Variants in CNPY1 observed in about 807,000 individuals in gnomAD.
CNPY1 encodes the protein protein canopy homolog 1.
CNPY1 carries 14 observed loss-of-function variants against 14.4 expected under a neutral mutation model. The observed-to-expected ratio is 0.97, with a 90% CI of 0.64 to 1.52. The LOEUF is 1.52. Among genes scored for constraint, CNPY1 ranks in the 40% most tolerant of loss-of-function variants. The pLI is 0.00. For missense variants in CNPY1, 129 were observed against 131.5 expected (o/e 0.98, Z 0.09); for synonymous variants, 43 against 46.5 (o/e 0.92, Z 0.31).
chr7:155,535,090 C>T (rs548317845), intron 2 of CNPY1, among the ~76,000 whole-genome samples: 1 of 152,310 alleles, frequency 6.6e-6, no homozygotes, highest in Non-Finnish European at 1.5e-5. Context: ...TTGCAAAGGG[C>T]ACGGAGAAGG....
At chr7:155,519,093 G>A (rs1485368806) in intron 2 of CNPY1, among the ~76,000 whole-genome samples, 1 of 152,186 alleles carries the variant, frequency 6.6e-6, no homozygotes, top group East Asian at 1.9e-4. Context: ...GTAGAGAGAG[G>A]GCAGGTCATC....
intron 4 of CNPY1, among the ~76,000 whole-genome samples, chr7:155,504,516 T>C (rs982895933): frequency 6.6e-6 from 1 of 152,212 alleles, no homozygotes; most frequent in Non-Finnish European, 1.5e-5. Context: ...AAGGTGTATG[T>C]AAAGTGTAGA....
rs551509378 is a variant in CNPY1 at position 155,507,545 on chromosome 7, T to G, written c.304-429A>C. Among the ~76,000 whole-genome samples, 27 of 149,306 alleles carry G rather than the reference T, an allele frequency of 1.8e-4. No homozygotes were observed. In the South Asian group the frequency reaches 4.0e-3, roughly 22 times the overall value. On this transcript the variant is annotated intron_variant, in intron 3 of 4. Transcript: ENST00000636446. Reference sequence around the variant, plus strand: ...ATGATTAAACCAGTTTCCTTGTGATTTAACATAATAATCCATTTTGTGGCT... The same window carrying G: ...ATGATTAAACCAGTTTCCTTGTGATGTAACATAATAATCCATTTTGTGGCT...
chr7:155,519,659 T>C (rs1796682629), intron 2 of CNPY1, among the ~76,000 whole-genome samples: 1 of 152,186 alleles, frequency 6.6e-6, no homozygotes, highest in Non-Finnish European at 1.5e-5. Flanking sequence ...TATTAATAAG[T>C]TAATATTGTT....
chr7:155,509,465 CAGAGAGAGGAG>C (rs891957746), intron 2 of CNPY1, among the ~76,000 whole-genome samples: 2 of 151,554 alleles, frequency 1.3e-5, no homozygotes, highest in African/African-American at 4.9e-5. Flanking sequence ...ACTTGTCAGA[CAGAGAGAGGAG>C]AGAGAGAGGA....
intron 2 of CNPY1, among the ~76,000 whole-genome samples, chr7:155,535,040 G>A (rs1043759421): frequency 5.3e-5 from 8 of 152,178 alleles, no homozygotes; most frequent in African/African-American, 1.9e-4. Flanking sequence ...GTGAGAGCAG[G>A]GCTGTGTTCA....
At chr7:155,535,786 G>A (rs1797016751) in intron 2 of CNPY1, among the ~76,000 whole-genome samples, 1 of 152,188 alleles carries the variant, frequency 6.6e-6, no homozygotes, top group Non-Finnish European at 1.5e-5. Flanking sequence ...TCAGGGTCGT[G>A]TCATTGGATG....
chr7:155,513,275 A>C (rs1014611036), intron 2 of CNPY1, among the ~76,000 whole-genome samples: 1 of 152,246 alleles, frequency 6.6e-6, no homozygotes, highest in Admixed American at 6.5e-5. Flanking sequence ...AAAAAAATGA[A>C]TTGCATCTGG....
chr7:155,538,765 C>T (rs1046103898), intron 2 of CNPY1, among the ~76,000 whole-genome samples: 4 of 152,202 alleles, frequency 2.6e-5, no homozygotes, highest in Admixed American at 1.3e-4. Context: ...CTCTGAGCAC[C>T]GCCATGGGCT....
At chr7:155,506,516 C>G (rs757280297) in intron 4 of CNPY1, 2 of 155,202 alleles carry the variant, frequency 1.3e-5, no homozygotes, top group Non-Finnish European at 2.8e-5. Context: ...GAAGTAGATA[C>G]AGGAATGGAA....
At chr7:155,538,646 C>G (rs772210591) in intron 2 of CNPY1, among the ~76,000 whole-genome samples, 1 of 152,220 alleles carries the variant, frequency 6.6e-6, no homozygotes, top group Non-Finnish European at 1.5e-5. Flanking sequence ...AGAGGCCCTC[C>G]TGACCCATGA....
intron 2 of CNPY1, among the ~76,000 whole-genome samples, chr7:155,516,892 C>T (rs867462124): frequency 5.3e-5 from 8 of 152,310 alleles, no homozygotes; most frequent in Non-Finnish European, 8.8e-5. Context: ...GCTGAGCTGT[C>T]GTGGGCGTTG....
intron 2 of CNPY1, among the ~76,000 whole-genome samples, chr7:155,517,655 C>A (rs917217107): frequency 2.6e-5 from 4 of 152,186 alleles, no homozygotes; most frequent in African/African-American, 9.7e-5. Flanking sequence ...GGTTCATCAT[C>A]TGAATTTCTC....
chr7:155,530,625 C>T (rs763077511), intron 2 of CNPY1, among the ~76,000 whole-genome samples: 8 of 152,224 alleles, frequency 5.3e-5, no homozygotes, highest in East Asian at 3.8e-4. Context: ...CCACTGCCAA[C>T]GGCCAGGCAG....
chr7:155,506,935 T>G (rs1362736319), intron 4 of CNPY1, 85 bp downstream of exon 4: 1 of 870,498 alleles, frequency 1.1e-6, no homozygotes, highest in Admixed American at 1.9e-5. Flanking sequence ...GCAGCGAGGC[T>G]CGGTCTGCAA....
chr7:155,535,872 C>T (rs760564507), intron 2 of CNPY1, among the ~76,000 whole-genome samples: 2 of 152,196 alleles, frequency 1.3e-5, no homozygotes, highest in African/African-American at 4.8e-5. Flanking sequence ...TGGTAAGCAT[C>T]GTCTGCTATC....
chr7:155,542,046 G>A (rs1056223084), intron 2 of CNPY1, among the ~76,000 whole-genome samples: 1 of 152,100 alleles, frequency 6.6e-6, no homozygotes, highest in African/African-American at 2.4e-5. Context: ...GGCAGGGTCG[G>A]GGGGGCAGAA....
intron 2 of CNPY1, among the ~76,000 whole-genome samples, chr7:155,528,832 GGGCA>G: frequency 6.6e-6 from 1 of 152,264 alleles, no homozygotes; most frequent in East Asian, 1.9e-4. Flanking sequence ...AGGCCAAGGT[GGGCA>G]GATCACGAGG....
At chr7:155,526,784 C>T (rs898192833) in intron 2 of CNPY1, among the ~76,000 whole-genome samples, 12 of 152,206 alleles carry the variant, frequency 7.9e-5, no homozygotes, top group African/African-American at 2.9e-4. Flanking sequence ...AATATCCATG[C>T]TGCAGCCTGC....
Sources: allele counts gnomAD v4.1 joint callset (sites outside exome capture counted in the v4.1 genomes callset), GRCh38; gene constraint gnomAD v4.1.1; transcripts MANE v1.5; gene names NCBI Gene and HGNC (gene_info 2026-07-23, HGNC 2026-07-21).